CDK13: variants seen among roughly 807,000 people sequenced by gnomAD.
The protein encoded by CDK13 is cyclin dependent kinase 13.
Under a neutral mutation model 137.6 loss-of-function variants are expected in CDK13, and 40 were observed. The observed-to-expected ratio is 0.29, with a 90% CI of 0.23 to 0.38. The LOEUF (loss-of-function observed/expected upper bound fraction) is 0.38, where lower values mean the gene tolerates loss of function less well. Among genes scored for constraint, CDK13 ranks in the 10% least tolerant of loss-of-function variants. The pLI is 1.00. For synonymous variants in CDK13, 869 were observed against 760.1 expected, an observed-to-expected ratio of 1.14 and a Z score of -2.36; for missense variants, 1,704 against 1,951.8, an observed-to-expected ratio of 0.87 and a Z score of 2.39.
intron 7 of CDK13, among the ~76,000 whole-genome samples, chr7:40,058,062 C>T (rs537924299): frequency 5.8e-5 from 8 of 138,074 alleles, no homozygotes; most frequent in South Asian, 4.6e-4. Flanking sequence ...GGGTAATTTT[C>T]GTTAGGGGAG....
chr7:40,013,191 G>A (rs187229438), intron 5 of CDK13, among the ~76,000 whole-genome samples: 1 of 152,302 alleles, frequency 6.6e-6, no homozygotes, highest in Admixed American at 6.5e-5. Flanking sequence ...CTACTTATGT[G>A]AGGTACCTAC....
In CDK13 at chr7:40,097,453, A is replaced by G. The variant is rs1004162874; in HGVS notation, c.*2473A>G. On this transcript the variant is annotated 3_prime_UTR_variant, in exon 14 of 14. Coordinates refer to ENST00000181839, the MANE Select transcript of CDK13 (RefSeq NM_003718.5). ...GTAAAAAATTTTAATGCTTCCCTTC[A>G]TAGCATTTAATATTTTAATTCAGTG... is the stretch of plus-strand genomic sequence containing the variant. The G allele has an allele frequency of 6.6e-6, 1 of 152,132 alleles. No individual in the cohort carries two copies. Among genetic ancestry groups the G allele is most frequent in the Admixed American group, 6.5e-5 (1 of 15,268 alleles). 9.4% of individuals were successfully genotyped at this position (152,132 alleles called of 1,614,324 possible).
At position 40,094,485 on chromosome 7, in the gene CDK13, T is replaced by G. The variant is rs143824331; in HGVS notation, c.4044T>G (p.Pro1348=). Residue 1348 remains proline, a synonymous_variant, in exon 14 of 14, where the codon CCT becomes CCG. Coordinates refer to ENST00000181839, the MANE Select transcript of CDK13 (RefSeq NM_003718.5). ...GATCCTCTTCTTTCTCTTCTGCTCC[T>G]TATGTTAGCAATGATGGTCTAGGAA... ...NFGSSSFSSA[P]YVSNDGLGSS... 10 of 1,613,514 alleles carry G rather than the reference T, an allele frequency of 6.2e-6. No individual in the cohort carries two copies. In the East Asian group the frequency reaches 1.1e-4, roughly 18 times the overall value.
At chr7:40,084,508 C>A (rs1373972783) in intron 11 of CDK13, among the ~76,000 whole-genome samples, 1 of 152,084 alleles carries the variant, frequency 6.6e-6, no homozygotes, top group Non-Finnish European at 1.5e-5. Context: ...AGAAATAACT[C>A]CATTAATTGT....
intron 1 of CDK13, among the ~76,000 whole-genome samples, chr7:39,970,868 C>T (rs562453316): frequency 3.9e-5 from 6 of 152,312 alleles, no homozygotes; most frequent in Non-Finnish European, 7.4e-5. Flanking sequence ...TTTACCTTTT[C>T]AAATGCTTTT....
chr7:39,996,961 C>CAAAAAAAAAAAAAAAAAAAAAAAAA (rs72210233), intron 2 of CDK13, among the ~76,000 whole-genome samples: 1 of 83,238 alleles, frequency 1.2e-5, no homozygotes, highest in African/African-American at 7.9e-5. Flanking sequence ...GATTCCATCT[C>CAAAAAAAAAAAAAAAAAAAAAAAAA]AAAAAAAAAA....
In CDK13 at chr7:40,093,131, G is replaced by T. The variant is rs1321743998; in HGVS notation, c.3582G>T (p.Gln1194His). Residue 1194 changes from glutamine (Q) to histidine (H), a missense_variant, in exon 13 of 14, where the codon CAG (glutamine) becomes CAT (histidine). Transcript: ENST00000181839. ...AVLLTQLIKA[Q>H]QSKQKDVLLE... ...TGTTGACTCAGTTAATAAAGGCTCA[G>T]CAGTCAAAGCAGAAAGATGTGCTAC... The T allele has an allele frequency of 1.9e-6, 3 of 1,614,058 alleles. No homozygotes were observed. Among genetic ancestry groups the T allele is most frequent in the Non-Finnish European group, 2.5e-6 (3 of 1,180,026 alleles).
chr7:40,090,881 AAGAGAAAAG>A lies in CDK13; in HGVS notation c.3236-1900_3236-1892del, dbSNP rs550887488. Among the ~76,000 whole-genome samples the A allele has an allele frequency of 1.9e-3, 284 of 152,086 alleles. 1 individual carries two copies. The highest frequency in any genetic ancestry group is 6.6e-3 in the African/African-American group (273 of 41,508). ...AAGTGAGACCCTGTCTTAAAAAATC[AAGAGAAAAG>A]AGAAGAATCAGTATTGTGATTAAGA... On this transcript the variant is annotated intron_variant, in intron 12 of 13. Coordinates refer to ENST00000181839, the MANE Select transcript of CDK13 (RefSeq NM_003718.5).
chr7:39,980,394 G>T (rs1020366375), intron 1 of CDK13, among the ~76,000 whole-genome samples: 1 of 152,204 alleles, frequency 6.6e-6, no homozygotes, highest in African/African-American at 2.4e-5. Context: ...ACAAGGAGAT[G>T]AATTTAAGAG....
At chr7:39,994,081 C>T (rs1334729038) in intron 2 of CDK13, among the ~76,000 whole-genome samples, 5 of 151,952 alleles carry the variant, frequency 3.3e-5, no homozygotes, top group Non-Finnish European at 5.9e-5. Flanking sequence ...AAAGTTGTTT[C>T]CCTTTTTCGA....
intron 6 of CDK13, among the ~76,000 whole-genome samples, chr7:40,046,295 C>T (rs1296893091): frequency 6.6e-6 from 1 of 152,126 alleles, no homozygotes; most frequent in East Asian, 1.9e-4. Context: ...CATGATGTTG[C>T]ACCTTGATTA....
In CDK13 at chr7:40,042,283, G is replaced by T. The variant is rs533543526; in HGVS notation, c.2354-3553G>T. Among the ~76,000 whole-genome samples, 23 of 151,830 alleles carry T rather than the reference G, an allele frequency of 1.5e-4. 1 individual carries two copies. Among genetic ancestry groups the T allele is most frequent in the African/African-American group, 5.3e-4 (22 of 41,420 alleles). ...TTTAGTAGAGACGGGGTTTCACCAT[G>T]TTGGCCAGGCTGGTCTCGAACTCCT... On this transcript the variant is annotated intron_variant, in intron 5 of 13. Transcript: ENST00000181839.
intron 4 of CDK13, among the ~76,000 whole-genome samples, chr7:40,000,114 G>A (rs1784652180): frequency 7.2e-6 from 1 of 138,574 alleles, no homozygotes; most frequent in Admixed American, 7.3e-5. Context: ...GATTGCTCAT[G>A]CCTATAATCC....
chr7:39,962,240 T>C (rs903542046), intron 1 of CDK13, among the ~76,000 whole-genome samples: 2 of 152,220 alleles, frequency 1.3e-5, no homozygotes, highest in Non-Finnish European at 2.9e-5. Context: ...TGAACTAGTT[T>C]ACAGTCCACC....
intron 7 of CDK13, among the ~76,000 whole-genome samples, chr7:40,057,137 C>T (rs907671369): frequency 7.2e-5 from 11 of 152,148 alleles, no homozygotes; most frequent in African/African-American, 2.7e-4. Context: ...TGCCTGTAAT[C>T]CCAGCTACTT....
intron 7 of CDK13, among the ~76,000 whole-genome samples, chr7:40,049,461 C>T (rs1342991375): frequency 6.6e-6 from 1 of 151,014 alleles, no homozygotes. Flanking sequence ...CTATGTCCCT[C>T]ATTTTGCATT....
chr7:39,976,323 T>TCTCTCTCTCTCTCTCACACACACACA, intron 1 of CDK13, among the ~76,000 whole-genome samples: 34 of 39,566 alleles, frequency 8.6e-4, no homozygotes, highest in Non-Finnish European at 1.1e-3. Context: ...TCTCTCTCTC[T>TCTCTCTCTCTCTCTCACACACACACA]CACACACACA....
chr7:40,064,632 GA>G (rs1199228264), intron 9 of CDK13, among the ~76,000 whole-genome samples: 2 of 152,044 alleles, frequency 1.3e-5, no homozygotes, highest in East Asian at 3.8e-4. Flanking sequence ...CTTCTCTGGG[GA>G]TAACTTGGCT....
intron 5 of CDK13, among the ~76,000 whole-genome samples, chr7:40,010,313 T>TGAGA (rs774884081): frequency 2.0e-5 from 3 of 152,106 alleles, no homozygotes; most frequent in Non-Finnish European, 2.9e-5. Context: ...TGTGCTCCTA[T>TGAGA]GAGAATCTGA....
Sources: gnomAD v4.1 joint callset for allele counts (sites outside exome capture counted in the v4.1 genomes callset) on GRCh38, gnomAD v4.1.1 for gene constraint, MANE v1.5 for transcripts, NCBI Gene and HGNC (gene_info 2026-07-23, HGNC 2026-07-21) for gene names.